Variants in RFPL1 observed in about 807,000 individuals in gnomAD.
RFPL1 encodes ret finger protein like 1, also known as ret finger protein-like 1.
A neutral mutation model predicts 9.6 loss-of-function variants in RFPL1; 6 were observed. The ratio of observed to expected loss-of-function variants is 0.62; its 90% CI spans 0.34 to 1.23. The LOEUF is 1.23. RFPL1 is among the 50% of genes most tolerant of loss of function. The pLI, the probability that RFPL1 is intolerant of heterozygous loss-of-function variation, is 0.03. For synonymous variants in RFPL1, 145 were observed against 149.4 expected (o/e 0.97, Z 0.22); for missense variants, 352 against 398.4 (o/e 0.88, Z 0.99).
chr22:29,407,112 TGTGTGA>T, the RFPL1 span, among the ~76,000 whole-genome samples: 289 of 117,690 alleles, frequency 2.5e-3, 2 homozygotes, highest in Admixed American at 0.016. Flanking sequence ...TGTGTGTGTG[TGTGTGA>T]GAAAAGGTCT....
At chr22:29,423,948 T>G in the RFPL1 span, among the ~76,000 whole-genome samples, 1 of 152,172 alleles carries the variant, frequency 6.6e-6, no homozygotes, top group Non-Finnish European at 1.5e-5. Flanking sequence ...CTCATGCCTG[T>G]AATCCCAGCC....
At chr22:29,422,766 G>A in the RFPL1 span, among the ~76,000 whole-genome samples, 9 of 151,404 alleles carry the variant, frequency 5.9e-5, no homozygotes, top group African/African-American at 9.7e-5. Context: ...AACATGTGCC[G>A]TTGGATAAGG....
At chr22:29,394,088 T>C in the RFPL1 span, among the ~76,000 whole-genome samples, 1 of 152,130 alleles carries the variant, frequency 6.6e-6, no homozygotes, top group South Asian at 2.1e-4. Context: ...GGATTACAGG[T>C]ATGTGCCCCT....
At chr22:29,433,171 A>G in the RFPL1 span, among the ~76,000 whole-genome samples, 1 of 151,998 alleles carries the variant, frequency 6.6e-6, no homozygotes, top group African/African-American at 2.4e-5. Flanking sequence ...CAGTGCCTGT[A>G]ATCCCAGCTA....
exon 1 of RFPL1, chr22:29,438,857 C>T (rs61734572): frequency 6.2e-7 from 1 of 1,613,972 alleles, no homozygotes. Flanking sequence ...TTCCCTTGTG[C>T]ACTTTTCCCC....
At chr22:29,433,451 C>A in the RFPL1 span, 91 of 153,094 alleles carry the variant, frequency 5.9e-4, no homozygotes, top group Non-Finnish European at 1.1e-3. Context: ...TAAAAGACAT[C>A]ACGCCCCATC....
chr22:29,438,632 C>A, exon 1 of RFPL1: 3 of 1,463,776 alleles, frequency 2.0e-6, no homozygotes, highest in East Asian at 4.8e-5. Flanking sequence ...TAGAATGGAC[C>A]CTTCCTCCAC....
the RFPL1 span, among the ~76,000 whole-genome samples, chr22:29,406,073 C>T: frequency 1.6e-5 from 2 of 123,556 alleles, no homozygotes; most frequent in Non-Finnish European, 3.2e-5. Context: ...TGCACCACTG[C>T]AGTCCGCAGT....
At chr22:29,422,108 GACA>G in the RFPL1 span, among the ~76,000 whole-genome samples, 5 of 152,120 alleles carry the variant, frequency 3.3e-5, no homozygotes, top group South Asian at 4.1e-4. Context: ...TGTCAGCTAC[GACA>G]ACATCCTCCA....
At chr22:29,421,640 G>A in the RFPL1 span, among the ~76,000 whole-genome samples, 3 of 151,192 alleles carry the variant, frequency 2.0e-5, no homozygotes, top group Non-Finnish European at 4.4e-5. Context: ...GGGCGCCACT[G>A]TGCCTGGCTC....
At chr22:29,429,083 TCTCG>T in the RFPL1 span, among the ~76,000 whole-genome samples, 1 of 152,050 alleles carries the variant, frequency 6.6e-6, no homozygotes, top group South Asian at 2.1e-4. Context: ...TTAGATAGGG[TCTCG>T]CTCTGTCACC....
At chr22:29,406,404 T>C in the RFPL1 span, among the ~76,000 whole-genome samples, 3 of 152,092 alleles carry the variant, frequency 2.0e-5, no homozygotes, top group African/African-American at 7.2e-5. Context: ...AGTAGGTCTA[T>C]AGCAGAGATC....
upstream of RFPL1, chr22:29,437,296 C>T (rs956193232): frequency 4.3e-6 from 1 of 232,030 alleles, no homozygotes; most frequent in African/African-American, 2.4e-5. Context: ...GAATTTAAAC[C>T]ATTTTGTAAA....
the RFPL1 span, among the ~76,000 whole-genome samples, chr22:29,413,207 T>C: frequency 1.3e-5 from 2 of 151,778 alleles, no homozygotes; most frequent in East Asian, 1.9e-4. Flanking sequence ...TAAATTTAAA[T>C]ATATACAATT....
At chr22:29,432,475 C>T in the RFPL1 span, among the ~76,000 whole-genome samples, 1 of 152,270 alleles carries the variant, frequency 6.6e-6, no homozygotes. Flanking sequence ...CCTTTCTAAA[C>T]CAAAGTATAA....
At chr22:29,393,110 T>A in the RFPL1 span, among the ~76,000 whole-genome samples, 1 of 152,172 alleles carries the variant, frequency 6.6e-6, no homozygotes. Flanking sequence ...AAATTCAGCC[T>A]GGGAAAGTCA....
chr22:29,410,657 T>C, the RFPL1 span, among the ~76,000 whole-genome samples: 1 of 144,288 alleles, frequency 6.9e-6, no homozygotes, highest in Non-Finnish European at 1.5e-5. Flanking sequence ...TCTATCTATA[T>C]ATATATTTTT....
At chr22:29,410,077 G>A in the RFPL1 span, among the ~76,000 whole-genome samples, 1 of 151,576 alleles carries the variant, frequency 6.6e-6, no homozygotes, top group East Asian at 1.9e-4. Flanking sequence ...ATCACTGTTT[G>A]ACATGTTGTT....
chr22:29,394,686 C>T, the RFPL1 span, among the ~76,000 whole-genome samples: 2 of 152,348 alleles, frequency 1.3e-5, no homozygotes, highest in South Asian at 2.1e-4. Flanking sequence ...GCGAACTGTG[C>T]ACCCACCATG....
Sources: allele counts gnomAD v4.1 joint callset (sites outside exome capture counted in the v4.1 genomes callset), GRCh38; gene constraint gnomAD v4.1.1; transcripts MANE v1.5; gene names NCBI Gene and HGNC (gene_info 2026-07-23, HGNC 2026-07-21).